ANO2: variants seen among roughly 807,000 people sequenced by gnomAD.
The protein encoded by ANO2 is anoctamin 2.
In ANO2, 101 loss-of-function variants were observed where a neutral mutation model predicts 124.2. That is an observed-to-expected ratio of 0.81 (90% CI 0.69 to 0.96). The LOEUF (loss-of-function observed/expected upper bound fraction) is 0.96, where lower values mean the gene tolerates loss of function less well. Among genes scored for constraint, ANO2 ranks in the 40% least tolerant of loss-of-function variants. ANO2 has a pLI of 0.00. For missense variants in ANO2, 1,293 were observed against 1,274.5 expected (o/e 1.01, Z -0.22); for synonymous variants, 486 against 482.5 (o/e 1.01, Z -0.09).
In ANO2 at chr12:5,873,195, A is replaced by AGCTCGCTC. The variant is rs751816551; in HGVS notation, c.535-19055_535-19054insGAGCGAGC. On this transcript the variant is annotated intron_variant, in intron 3 of 24. Coordinates refer to ENST00000682330, the MANE Select transcript of ANO2 (RefSeq NM_001364791.2). The stretch of plus-strand genomic sequence containing the variant: ...TAACTTTGTTACTTTTGCCTAAAGC[A>AGCTCGCTC]GCTCTCTCTCTCTCTCTCTCTCTCT... Among the ~76,000 whole-genome samples the AGCTCGCTC allele has an allele frequency of 1.0e-4, 8 of 76,798 alleles. 1 individual carries two copies. The highest frequency in any genetic ancestry group is 1.5e-4 in the African/African-American group (3 of 20,504). 50.4% of individuals were successfully genotyped at this position (76,798 alleles called of 152,430 possible). A position where few individuals can be genotyped will look rare whatever the true frequency, so the allele number is the denominator to read the frequency against.
At position 5,583,480 on chromosome 12, in the gene ANO2, C is replaced by T. The variant is rs573083187; in HGVS notation, c.2234-4962G>A. The stretch of plus-strand genomic sequence containing the variant: ...CATCTTGGCTAACACGGTGAAACCC[C>T]GTCTCTACTAAAAATACAAAAAATT... On this transcript the variant is annotated intron_variant, in intron 20 of 24. Coordinates refer to ENST00000682330, the MANE Select transcript of ANO2 (RefSeq NM_001364791.2). 3.0e-3 allele frequency among the ~76,000 whole-genome samples: 461 copies of T among 151,410 alleles called. 2 individuals carry two copies. Among genetic ancestry groups the T allele is most frequent in the Non-Finnish European group, 5.2e-3 (352 of 67,808 alleles).
intron 17 of ANO2, among the ~76,000 whole-genome samples, chr12:5,613,884 C>T (rs983157847): frequency 1.3e-5 from 2 of 152,164 alleles, no homozygotes; most frequent in East Asian, 3.9e-4. Context: ...GCCACGAAAT[C>T]GACATTGAAA....
chr12:5,931,033 T>C (rs899346779), intron 1 of ANO2, among the ~76,000 whole-genome samples: 62 of 152,156 alleles, frequency 4.1e-4, no homozygotes, highest in African/African-American at 1.4e-3. Flanking sequence ...AAGCTGGCCT[T>C]CCTACTGCTT....
At chr12:5,712,130 G>C (rs1192845962) in intron 14 of ANO2, among the ~76,000 whole-genome samples, 2 of 152,138 alleles carry the variant, frequency 1.3e-5, no homozygotes, top group African/African-American at 4.8e-5. Flanking sequence ...GGAAAGATAG[G>C]AGTATCAATT....
intron 14 of ANO2, among the ~76,000 whole-genome samples, chr12:5,731,791 C>A (rs1330205834): frequency 4.6e-5 from 7 of 152,108 alleles, no homozygotes; most frequent in Non-Finnish European, 1.5e-5. Flanking sequence ...AGGACATGGT[C>A]ACCATCATGT....
chr12:5,820,682 C>T (rs1953767114), intron 7 of ANO2, among the ~76,000 whole-genome samples: 1 of 152,148 alleles, frequency 6.6e-6, no homozygotes, highest in Non-Finnish European at 1.5e-5. Flanking sequence ...GAGATTAGTG[C>T]CACCATCAAG....
intron 9 of ANO2, among the ~76,000 whole-genome samples, chr12:5,803,807 C>T: frequency 6.6e-6 from 1 of 152,162 alleles, no homozygotes; most frequent in Non-Finnish European, 1.5e-5. Context: ...CTACCTGGGG[C>T]TGAGTCACGC....
intron 4 of ANO2, among the ~76,000 whole-genome samples, chr12:5,852,544 T>G (rs1052776473): frequency 6.6e-6 from 1 of 152,164 alleles, no homozygotes; most frequent in Non-Finnish European, 1.5e-5. Context: ...AGTAGAGGAT[T>G]CATGATGGTA....
chr12:5,881,427 C>T (rs558184758), intron 3 of ANO2, among the ~76,000 whole-genome samples: 3 of 152,202 alleles, frequency 2.0e-5, no homozygotes, highest in Non-Finnish European at 1.5e-5. Context: ...AGAGCCAAGT[C>T]TCTGTGAAAT....
At chr12:5,749,165 T>G (rs1370147157) in intron 11 of ANO2, among the ~76,000 whole-genome samples, 5 of 152,336 alleles carry the variant, frequency 3.3e-5, no homozygotes, top group Non-Finnish European at 5.9e-5. Context: ...TTCTGCCCAC[T>G]GATGCACGCA....
At chr12:5,699,237 A>T (rs1949309866) in intron 14 of ANO2, among the ~76,000 whole-genome samples, 1 of 152,220 alleles carries the variant, frequency 6.6e-6, no homozygotes, top group Admixed American at 6.5e-5. Context: ...GACTAACAGC[A>T]GATCTCTCAG....
At chr12:5,849,399 C>T (rs573025775) in intron 4 of ANO2, among the ~76,000 whole-genome samples, 1 of 152,314 alleles carries the variant, frequency 6.6e-6, no homozygotes, top group African/African-American at 2.4e-5. Context: ...AATGAGAAAT[C>T]AACAGAAATG....
intron 3 of ANO2, among the ~76,000 whole-genome samples, chr12:5,892,489 A>G (rs974604335): frequency 6.6e-6 from 1 of 152,240 alleles, no homozygotes; most frequent in Non-Finnish European, 1.5e-5. Context: ...ACACATCATA[A>G]TCAAAGTATT....
At chr12:5,710,879 G>T (rs1372948394) in intron 14 of ANO2, among the ~76,000 whole-genome samples, 1 of 152,110 alleles carries the variant, frequency 6.6e-6, no homozygotes, top group Admixed American at 6.5e-5. Flanking sequence ...ATTGATCCCT[G>T]GGCCGGGCGC....
intron 10 of ANO2, among the ~76,000 whole-genome samples, chr12:5,779,180 T>G (rs939860125): frequency 2.0e-5 from 3 of 152,242 alleles, no homozygotes; most frequent in East Asian, 1.9e-4. Flanking sequence ...AAATTTAGTG[T>G]GCATTCACAG....
At chr12:5,805,390 G>A (rs549098522) in intron 9 of ANO2, among the ~76,000 whole-genome samples, 1 of 152,146 alleles carries the variant, frequency 6.6e-6, no homozygotes, top group East Asian at 1.9e-4. Flanking sequence ...TGGCATAAGG[G>A]GATCATCGGT....
intron 7 of ANO2, among the ~76,000 whole-genome samples, chr12:5,826,491 A>G (rs1953960321): frequency 6.6e-6 from 1 of 150,442 alleles, no homozygotes; most frequent in Admixed American, 6.6e-5. Flanking sequence ...TGATATGTAT[A>G]TATAAAATTT....
chr12:5,573,562 C>T (rs1485213941), intron 23 of ANO2, among the ~76,000 whole-genome samples: 3 of 152,214 alleles, frequency 2.0e-5, no homozygotes, highest in Admixed American at 6.5e-5. Flanking sequence ...TCGCTGGGGT[C>T]TGCAGACCCA....
At chr12:5,579,804 T>C (rs1381267945) in intron 20 of ANO2, among the ~76,000 whole-genome samples, 1 of 152,180 alleles carries the variant, frequency 6.6e-6, no homozygotes, top group Non-Finnish European at 1.5e-5. Context: ...ACCCTCCTAA[T>C]TGTCCCCTGC....
Sources: gnomAD v4.1 joint callset for allele counts (sites outside exome capture counted in the v4.1 genomes callset) on GRCh38, gnomAD v4.1.1 for gene constraint, MANE v1.5 for transcripts, NCBI Gene and HGNC (gene_info 2026-07-23, HGNC 2026-07-21) for gene names.